Variants in IL2RB observed in about 807,000 individuals in gnomAD.
IL2RB encodes the protein interleukin-2 receptor subunit beta.
IL2RB carries 17 observed loss-of-function variants against 44.2 expected under a neutral mutation model. The observed-to-expected ratio is 0.38, with a 90% CI of 0.26 to 0.58. The LOEUF (loss-of-function observed/expected upper bound fraction) is 0.58, where lower values mean the gene tolerates loss of function less well. Among genes scored for constraint, IL2RB ranks in the 20% least tolerant of loss-of-function variants. The pLI is 0.63. For missense variants in IL2RB, 624 were observed against 685.5 expected, an observed-to-expected ratio of 0.91 and a Z score of 1.00; for synonymous variants, 286 against 297.9, an observed-to-expected ratio of 0.96 and a Z score of 0.41.
chr22:37,161,074 G>A (rs1290661776), intron 1 of IL2RB, among the ~76,000 whole-genome samples: 2 of 152,232 alleles, frequency 1.3e-5, no homozygotes, highest in Non-Finnish European at 2.9e-5. Flanking sequence ...CCCGGGAGGT[G>A]GAGGTTGCAG....
rs1362818144 is a variant in IL2RB, at chr22:37,136,379, C to G, written c.552G>C (p.Leu184=). 1 of 1,610,474 alleles carries G rather than the reference C, an allele frequency of 6.2e-7. No individual in the cohort carries two copies. The highest frequency in any genetic ancestry group is 1.7e-4 in the Middle Eastern group (1 of 5,838). ...TCCATTCCTGCTTCTGCTTGAGAGT[C>G]AGCAGGGGGGCCTCCTGGGTCGGAG... is the stretch of plus-strand genomic sequence containing the variant. ...PGHTWEEAPL[L]TLKQKQEWIC... The change falls in exon 7 of 10, where the codon CTG becomes CTC. Residue 184 remains leucine (L), a synonymous_variant. Transcript: ENST00000216223.
At chr22:37,143,130 C>A (rs1006173717) in intron 3 of IL2RB, among the ~76,000 whole-genome samples, 2 of 152,194 alleles carry the variant, frequency 1.3e-5, no homozygotes, top group African/African-American at 4.8e-5. Context: ...CAGCTGCCTA[C>A]AGGGTCTCTC....
chr22:37,128,044 T>G lies in IL2RB; in HGVS notation c.*52A>C. On this transcript the variant is annotated 3_prime_UTR_variant, in exon 10 of 10. Coordinates refer to ENST00000216223, the MANE Select transcript of IL2RB (RefSeq NM_000878.5). The surrounding 1 kb of genome is among the most constrained non-coding windows in gnomAD (Gnocchi z 4.5). ...CTGAGGACCCTCAACAGGGTCCTTC[T>G]GAGGCTCGGCGCAGAGCAGGCAGCT... is the stretch of plus-strand genomic sequence containing the variant. 7.0e-7 allele frequency: 1 copy of G among 1,429,818 alleles called. No homozygotes were observed. The highest frequency in any genetic ancestry group is 1.6e-5 in the South Asian group (1 of 63,620). 88.6% of individuals were successfully genotyped at this position (1,429,818 alleles called of 1,614,324 possible). A position where few individuals can be genotyped will look rare whatever the true frequency, so the allele number is the denominator to read the frequency against.
chr22:37,130,148 G>A (rs899448618), intron 9 of IL2RB, among the ~76,000 whole-genome samples: 2 of 152,270 alleles, frequency 1.3e-5, no homozygotes, highest in African/African-American at 4.8e-5. Flanking sequence ...GAGAGAGGCA[G>A]AAAGGATAAA....
chr22:37,132,182 G>A (rs1372524479), intron 9 of IL2RB, among the ~76,000 whole-genome samples: 3 of 152,188 alleles, frequency 2.0e-5, no homozygotes, highest in East Asian at 3.9e-4. Flanking sequence ...GCCAGAATGT[G>A]GTGGAGCTGG....
chr22:37,133,679 C>T lies in IL2RB; in HGVS notation c.819-1211G>A, dbSNP rs540978536. ...ACGCTCCACACAGCAGCCAGGGCTA[C>T]AGAGGGCGAAGTGGATCCTGTCCCA... On this transcript the variant is annotated intron_variant, in intron 8 of 9. Transcript: ENST00000216223. Among the ~76,000 whole-genome samples, 15 of 152,332 alleles carry T rather than the reference C, an allele frequency of 9.8e-5. No homozygotes were observed. In the South Asian group the frequency reaches 3.1e-3, roughly 32 times the overall value.
intron 1 of IL2RB, among the ~76,000 whole-genome samples, chr22:37,167,360 C>T (rs1235495994): frequency 2.0e-5 from 3 of 152,194 alleles, no homozygotes; most frequent in South Asian, 2.1e-4. Context: ...CTCTCTGCCT[C>T]CTGAGTCCCT....
At chr22:37,149,791 C>T in intron 1 of IL2RB, 34 bp downstream of exon 1, 1 of 959,562 alleles carries the variant, frequency 1.0e-6, no homozygotes, top group Non-Finnish European at 1.2e-6. Flanking sequence ...CTGGCTGGTC[C>T]ACAGGGGCCG....
At chr22:37,136,119 G>A in intron 7 of IL2RB, 109 bp downstream of exon 7, 3 of 1,186,886 alleles carry the variant, frequency 2.5e-6, no homozygotes, top group Admixed American at 2.3e-5. Context: ...AGTGAGGGAT[G>A]GAGCTGACTG....
chr22:37,151,418 A>AT (rs1922481606), upstream of IL2RB, among the ~76,000 whole-genome samples: 1 of 152,008 alleles, frequency 6.6e-6, no homozygotes, highest in South Asian at 2.1e-4. Flanking sequence ...GATTTCTATA[A>AT]TTTTTTTCCA....
intron 6 of IL2RB, 77 bp from the exon 7 acceptor site, chr22:37,136,470 C>T: frequency 6.9e-7 from 1 of 1,443,202 alleles, no homozygotes; most frequent in Non-Finnish European, 9.3e-7. Context: ...CACAGAACCC[C>T]CCCCCAACCC....
intron 9 of IL2RB, among the ~76,000 whole-genome samples, chr22:37,130,933 G>A (rs548127205): frequency 2.6e-5 from 4 of 152,326 alleles, no homozygotes; most frequent in Non-Finnish European, 5.9e-5. Context: ...TTGGGAGGCC[G>A]AGGCGGGCAG....
intron 1 of IL2RB, among the ~76,000 whole-genome samples, 173 bp downstream of exon 1, chr22:37,149,652 G>A (rs1922393925): frequency 6.6e-6 from 1 of 152,214 alleles, no homozygotes. Flanking sequence ...CAGGAGCCAT[G>A]AGAGCTGGGC....
chr22:37,139,481 G>GCC (rs1921862509), intron 4 of IL2RB, among the ~76,000 whole-genome samples: 1 of 152,188 alleles, frequency 6.6e-6, no homozygotes, highest in South Asian at 2.1e-4. Context: ...GAATATTAGG[G>GCC]CCATGTTCCA....
rs913596518 is a variant in IL2RB at position 37,149,819 on chromosome 22, C to T, written c.-34+6G>A. On this transcript the variant is annotated splice_donor_region_variant and intron_variant, in intron 1 of 9. Coordinates refer to ENST00000216223, the MANE Select transcript of IL2RB (RefSeq NM_000878.5). ...AGGGGCCGGGAGGGAGGCAGGGGGA[C>T]ATCACCTGGCTGAGACATGGGGCGG... The T allele has an allele frequency of 1.0e-6, 1 of 984,616 alleles. No homozygotes were observed. The highest frequency in any genetic ancestry group is 1.7e-5 in the African/African-American group (1 of 57,232). 61.0% of individuals were successfully genotyped at this position (984,616 alleles called of 1,614,324 possible). A position where few individuals can be genotyped will look rare whatever the true frequency, so the allele number is the denominator to read the frequency against.
chr22:37,171,650 C>T (rs1002960864), intron 1 of IL2RB, among the ~76,000 whole-genome samples: 4 of 152,170 alleles, frequency 2.6e-5, no homozygotes, highest in Admixed American at 6.5e-5. Flanking sequence ...CCTGAATATG[C>T]GAGGCAATTT....
intron 8 of IL2RB, among the ~76,000 whole-genome samples, 175 bp downstream of exon 8, chr22:37,135,153 G>A (rs1275738175): frequency 3.3e-5 from 5 of 152,168 alleles, no homozygotes; most frequent in Non-Finnish European, 7.4e-5. Context: ...GACGAAGCAC[G>A]GGTGTATCAG....
intron 1 of IL2RB, among the ~76,000 whole-genome samples, chr22:37,146,489 C>T (rs1184632821): frequency 1.3e-5 from 2 of 152,224 alleles, no homozygotes; most frequent in Non-Finnish European, 2.9e-5. Context: ...GACCAGGAAA[C>T]CGACACTCAC....
intron 9 of IL2RB, among the ~76,000 whole-genome samples, chr22:37,131,036 G>A (rs1336046267): frequency 6.6e-6 from 1 of 152,226 alleles, no homozygotes; most frequent in East Asian, 1.9e-4. Context: ...GTGTGGTGGT[G>A]TGTGCTTGTA....
Sources: allele counts gnomAD v4.1 joint callset (sites outside exome capture counted in the v4.1 genomes callset), GRCh38; gene constraint gnomAD v4.1.1; non-coding constraint Gnocchi (gnomAD v3.1); transcripts MANE v1.5; gene names NCBI Gene and HGNC (gene_info 2026-07-23, HGNC 2026-07-21).